PRKDC: variants seen among roughly 807,000 people sequenced by gnomAD.
The protein encoded by PRKDC is DNA-dependent protein kinase catalytic subunit.
Under a neutral mutation model 486.9 loss-of-function variants are expected in PRKDC, and 82 were observed. The ratio of observed to expected loss-of-function variants is 0.17; its 90% CI spans 0.14 to 0.20. The LOEUF is 0.20. Among genes scored for constraint, PRKDC ranks in the 10% least tolerant of loss-of-function variants. The pLI, the probability that PRKDC is intolerant of heterozygous loss-of-function variation, is 1.00. For synonymous variants in PRKDC, 1,895 were observed against 1,837.0 expected, an observed-to-expected ratio of 1.03 and a Z score of -0.81; for missense variants, 4,504 against 5,038.2, an observed-to-expected ratio of 0.89 and a Z score of 3.21.
intron 24 of PRKDC, among the ~76,000 whole-genome samples, chr8:47,913,178 G>A (rs888949260): frequency 1.7e-4 from 26 of 152,200 alleles, no homozygotes; most frequent in African/African-American, 6.0e-4. Context: ...AAAAACTAGT[G>A]TGATTTGCTA....
intron 41 of PRKDC, among the ~76,000 whole-genome samples, chr8:47,864,342 C>T (rs2088752787): frequency 6.6e-6 from 1 of 152,144 alleles, no homozygotes; most frequent in Non-Finnish European, 1.5e-5. Context: ...TGATTCTGGA[C>T]TTCTGGCCTC....
intron 17 of PRKDC, among the ~76,000 whole-genome samples, chr8:47,930,385 G>C (rs927682426): frequency 6.6e-6 from 1 of 152,142 alleles, no homozygotes; most frequent in Admixed American, 6.5e-5. Flanking sequence ...CCATTCTCCT[G>C]CCTCAGCCTC....
intron 54 of PRKDC, among the ~76,000 whole-genome samples, chr8:47,847,577 G>A (rs934523311): frequency 6.6e-6 from 1 of 152,046 alleles, no homozygotes; most frequent in African/African-American, 2.4e-5. Context: ...CTCAATATCA[G>A]CCTTAGCAAA....
At chr8:47,902,442 C>T in intron 27 of PRKDC, 127 bp downstream of exon 27, 3 of 634,136 alleles carry the variant, frequency 4.7e-6, no homozygotes, top group South Asian at 5.3e-5. Flanking sequence ...TTCCAGAAGA[C>T]AGCACAGCAT....
chr8:47,957,592 C>T (rs2090727441), intron 1 of PRKDC, among the ~76,000 whole-genome samples, 161 bp from the exon 2 acceptor site: 1 of 150,106 alleles, frequency 6.7e-6, no homozygotes, highest in South Asian at 2.3e-4. Context: ...CTCACTGCAA[C>T]CTCCGCCTCC....
At chr8:47,778,912 C>A in intron 81 of PRKDC, 92 bp downstream of exon 81, 1 of 1,429,714 alleles carries the variant, frequency 7.0e-7, no homozygotes, top group South Asian at 1.3e-5. Flanking sequence ...TCTTGATGAT[C>A]TCTCTGAGGC....
chr8:47,829,364 T>A (rs180857290), intron 61 of PRKDC, among the ~76,000 whole-genome samples: 1 of 152,234 alleles, frequency 6.6e-6, no homozygotes, highest in African/African-American at 2.4e-5. Context: ...GATTTTTGCA[T>A]ATTGTTGAAA....
At chr8:47,797,773 G>A (rs748787635) in intron 73 of PRKDC, among the ~76,000 whole-genome samples, 8 of 152,202 alleles carry the variant, frequency 5.3e-5, no homozygotes, top group African/African-American at 7.2e-5. Flanking sequence ...ATGTCCATAC[G>A]CTGACCCCTC....
rs1224378234 is a variant in PRKDC, at chr8:47,785,113, C to T, written c.11107G>A (p.Gly3703Ser). The change falls in exon 77 of 86, where the codon GGT becomes AGT. Residue 3703 changes from glycine to serine, a missense_variant and splice_region_variant. Physicochemically the swap from Gly to Ser is moderately conservative, Grantham distance 56. Transcript: ENST00000314191. ...EFLRNELEIP[G>S]QYDGRGKPLP... ...TTGTCACCCCTGGAGGTTAACTCAC[C>T]GGGAATCTCCAGCTCATTTCTCAGG... 7 of 1,613,776 alleles carry T rather than the reference C, an allele frequency of 4.3e-6. No homozygotes were observed. The highest frequency in any genetic ancestry group is 5.1e-6 in the Non-Finnish European group (6 of 1,179,770).
intron 31 of PRKDC, among the ~76,000 whole-genome samples, chr8:47,892,416 A>C (rs1424201819): frequency 6.6e-6 from 1 of 152,122 alleles, no homozygotes; most frequent in African/African-American, 2.4e-5. Context: ...CTGTAGCCTC[A>C]ACCTTCCAGG....
intron 10 of PRKDC, among the ~76,000 whole-genome samples, chr8:47,941,569 C>T (rs1198321565): frequency 6.6e-6 from 1 of 152,224 alleles, no homozygotes; most frequent in African/African-American, 2.4e-5. Flanking sequence ...GCTGCCCTGA[C>T]TCTGCGGGGA....
chr8:47,826,599 C>T, intron 63 of PRKDC, 57 bp downstream of exon 63: 4 of 1,505,390 alleles, frequency 2.7e-6, no homozygotes, highest in Non-Finnish European at 3.6e-6. Context: ...CAAGTGTTTT[C>T]CGTATTGCTT....
At chr8:47,896,275 G>C (rs1188085770) in intron 30 of PRKDC, among the ~76,000 whole-genome samples, 1 of 151,866 alleles carries the variant, frequency 6.6e-6, no homozygotes, top group East Asian at 1.9e-4. Flanking sequence ...AAAATGTAAA[G>C]TCCTTTTTAG....
chr8:47,909,007 A>G (rs140535850), intron 25 of PRKDC, among the ~76,000 whole-genome samples: 28 of 152,172 alleles, frequency 1.8e-4, no homozygotes, highest in African/African-American at 6.3e-4. Context: ...GTCCAGTTTC[A>G]CCAAGAACTC....
intron 36 of PRKDC, among the ~76,000 whole-genome samples, chr8:47,885,118 A>C (rs933494630): frequency 1.3e-5 from 2 of 152,258 alleles, no homozygotes; most frequent in African/African-American, 4.8e-5. Flanking sequence ...TAGAAAAAAC[A>C]ATCAATGTTT....
chr8:47,785,419 T>A, intron 76 of PRKDC, 102 bp from the exon 77 acceptor site: 1 of 926,782 alleles, frequency 1.1e-6, no homozygotes, highest in Non-Finnish European at 1.6e-6. Context: ...CAATGGTATA[T>A]GTTTCTTCTC....
At chr8:47,783,956 T>G in intron 77 of PRKDC, 147 bp from the exon 78 acceptor site, 1 of 780,930 alleles carries the variant, frequency 1.3e-6, no homozygotes, top group Non-Finnish European at 2.1e-6. Context: ...GGAACTGACT[T>G]TAAAAAAAAT....
intron 58 of PRKDC, among the ~76,000 whole-genome samples, chr8:47,834,912 G>T (rs1019563273): frequency 6.6e-6 from 1 of 151,916 alleles, no homozygotes; most frequent in Middle Eastern, 3.4e-3. Context: ...GGATGGTCTC[G>T]ATCTCCTGAC....
At chr8:47,820,333 C>T (rs1284788091) in intron 66 of PRKDC, among the ~76,000 whole-genome samples, 1 of 152,006 alleles carries the variant, frequency 6.6e-6, no homozygotes, top group Non-Finnish European at 1.5e-5. Context: ...CCAGATTGCG[C>T]CATTGCACTC....
Sources: gnomAD v4.1 joint callset for allele counts (sites outside exome capture counted in the v4.1 genomes callset) on GRCh38, gnomAD v4.1.1 for gene constraint, MANE v1.5 for transcripts, NCBI Gene and HGNC (gene_info 2026-07-23, HGNC 2026-07-21) for gene names.